Variants in ATP10A observed in about 807,000 individuals in gnomAD.
ATP10A encodes the protein phospholipid-transporting ATPase VA.
Under a neutral mutation model 147.8 loss-of-function variants are expected in ATP10A, and 111 were observed. The observed-to-expected ratio is 0.75, with a 90% CI of 0.64 to 0.88. ATP10A has a LOEUF of 0.88. Among genes scored for constraint, ATP10A ranks in the 40% least tolerant of loss-of-function variants. The pLI, the probability that ATP10A is intolerant of heterozygous loss-of-function variation, is 0.00. For missense variants in ATP10A, 1,927 were observed against 1,959.0 expected, an observed-to-expected ratio of 0.98 and a Z score of 0.31; for synonymous variants, 875 against 841.6, an observed-to-expected ratio of 1.04 and a Z score of -0.69.
intron 1 of ATP10A, among the ~76,000 whole-genome samples, chr15:25,810,096 C>A (rs1891363763): frequency 6.6e-6 from 1 of 152,108 alleles, no homozygotes; most frequent in African/African-American, 2.4e-5. Flanking sequence ...AGAACCCTTG[C>A]TGAGGGTTTC....
chr15:25,847,714 C>G (rs527289644), intron 1 of ATP10A, among the ~76,000 whole-genome samples: 48 of 135,000 alleles, frequency 3.6e-4, no homozygotes, highest in African/African-American at 1.3e-3. Flanking sequence ...TCACGTCTCA[C>G]AGCACTCTTA....
At chr15:25,756,049 C>T (rs1053925234) in intron 2 of ATP10A, among the ~76,000 whole-genome samples, 12 of 152,264 alleles carry the variant, frequency 7.9e-5, no homozygotes, top group African/African-American at 2.6e-4. Context: ...GGCCTTTACC[C>T]CTTCTTTGTT....
At position 25,858,443 on chromosome 15, in the gene ATP10A, G is replaced by A. The variant is rs60217427; in HGVS notation, c.449+4205C>T. 1.8e-3 allele frequency among the ~76,000 whole-genome samples: 272 copies of A among 152,208 alleles called. 4 individuals carry two copies. The East Asian group carries it at 0.042, about 23-fold the overall frequency. ...AGGGAAGGGAAAGAGGCACGGAGAA[G>A]GAGTAGGAGAGGGGAGACAAGAGAA... On this transcript the variant is annotated intron_variant, in intron 1 of 20. Transcript: ENST00000555815.
Position 25,679,826 on chromosome 15 carries a change from A to G in ATP10A, c.4015T>C (p.Ser1339Pro). Residue 1339 changes from serine to proline, a missense_variant, in exon 21 of 21, where the codon TCA becomes CCA. Transcript: ENST00000555815. ...GAGGTCTTGACTGTCCTCCCTGATG[A>G]GTGCTCGGTTCCCGAGTCCTTCGGG... is the stretch of plus-strand genomic sequence containing the variant. ...RLPKDSGTEH[S>P]SGRTVKTSVP... 6.2e-7 allele frequency: 1 copy of G among 1,611,986 alleles called. No homozygotes were observed. The highest frequency in any genetic ancestry group is 8.5e-7 in the Non-Finnish European group (1 of 1,179,916).
intron 1 of ATP10A, among the ~76,000 whole-genome samples, chr15:25,858,876 A>G (rs1893630621): frequency 6.6e-6 from 1 of 152,092 alleles, no homozygotes; most frequent in Non-Finnish European, 1.5e-5. Flanking sequence ...CACAAAGTAC[A>G]TAGAAGCAAA....
At chr15:25,803,707 G>A (rs1230230135) in intron 1 of ATP10A, among the ~76,000 whole-genome samples, 1 of 152,150 alleles carries the variant, frequency 6.6e-6, no homozygotes, top group Admixed American at 6.5e-5. Context: ...TGGGCACTCC[G>A]GCAGGGCCTG....
At chr15:25,699,473 G>A (rs1313948312) in intron 13 of ATP10A, among the ~76,000 whole-genome samples, 3 of 152,150 alleles carry the variant, frequency 2.0e-5, no homozygotes, top group Admixed American at 6.5e-5. Context: ...TAGATAAGAT[G>A]TTAACGTGTA....
At chr15:25,716,313 C>T (rs894568505) in intron 9 of ATP10A, among the ~76,000 whole-genome samples, 1 of 151,244 alleles carries the variant, frequency 6.6e-6, no homozygotes, top group Admixed American at 6.6e-5. Flanking sequence ...ATCTGGGACC[C>T]TGAGGCTCGG....
intron 2 of ATP10A, among the ~76,000 whole-genome samples, chr15:25,751,666 C>G (rs1323730904): frequency 1.3e-5 from 2 of 152,056 alleles, no homozygotes; most frequent in Non-Finnish European, 2.9e-5. Context: ...TTAAAAGCTC[C>G]TGCACAGCAA....
intron 17 of ATP10A, among the ~76,000 whole-genome samples, chr15:25,682,197 C>G (rs1245752180): frequency 6.6e-6 from 1 of 151,856 alleles, no homozygotes; most frequent in Non-Finnish European, 1.5e-5. Context: ...CCACTTTGAC[C>G]AGTTTTTGCC....
intron 1 of ATP10A, among the ~76,000 whole-genome samples, chr15:25,861,063 G>T (rs964318412): frequency 3.3e-5 from 5 of 152,236 alleles, no homozygotes; most frequent in African/African-American, 4.8e-5. Context: ...CAGGCTTCTG[G>T]TGAACAGGGG....
intron 9 of ATP10A, among the ~76,000 whole-genome samples, chr15:25,714,606 C>T (rs963010805): frequency 6.6e-6 from 1 of 152,060 alleles, no homozygotes; most frequent in Non-Finnish European, 1.5e-5. Context: ...TTGCCGAGGG[C>T]CCATCAGTGA....
intron 1 of ATP10A, among the ~76,000 whole-genome samples, chr15:25,784,841 G>T (rs1401287644): frequency 6.6e-6 from 1 of 151,896 alleles, no homozygotes; most frequent in African/African-American, 2.4e-5. Context: ...AGAATCGCTT[G>T]AACCCGGGAG....
chr15:25,748,859 A>C (rs1006567678), intron 2 of ATP10A, among the ~76,000 whole-genome samples: 1 of 151,782 alleles, frequency 6.6e-6, no homozygotes, highest in African/African-American at 2.4e-5. Flanking sequence ...GTTCAAGAAC[A>C]GCCTGGCCAA....
chr15:25,802,582 C>T (rs1445937354), intron 1 of ATP10A, among the ~76,000 whole-genome samples: 1 of 152,222 alleles, frequency 6.6e-6, no homozygotes, highest in East Asian at 1.9e-4. Context: ...CAGGGCCACG[C>T]TCCTTCCTGG....
At chr15:25,675,715 G>T (rs931736734), downstream of ATP10A, among the ~76,000 whole-genome samples, 1 of 152,200 alleles carries the variant, frequency 6.6e-6, no homozygotes, top group African/African-American at 2.4e-5. Context: ...GGACGCTAAG[G>T]CAGGCAGATT....
Position 25,679,673 on chromosome 15 carries a change from C to T in ATP10A, c.4168G>A (p.Ala1390Thr), listed in dbSNP as rs146208818. 8 of 1,613,060 alleles carry T rather than the reference C, an allele frequency of 5.0e-6. No homozygotes were observed. Among genetic ancestry groups the T allele is most frequent in the Admixed American group, 1.7e-5 (1 of 60,000 alleles). The change falls in exon 21 of 21, where the codon GCA becomes ACA. Residue 1390 changes from alanine to threonine, a missense_variant. Transcript: ENST00000555815. ...REHTLLEGLS[A>T]PAPMSSAPGE... is the part of the protein sequence containing the mutation. Reference sequence around the variant, plus strand: ...GGCGCAGAGGACATGGGGGCCGGTGCGCTCAGCCCCTCCAGCAGGGTGTGC... The same window carrying T: ...GGCGCAGAGGACATGGGGGCCGGTGTGCTCAGCCCCTCCAGCAGGGTGTGC...
In ATP10A at chr15:25,719,467, C is replaced by A. The variant is rs200628749; in HGVS notation, c.1364-1068G>T. Among the ~76,000 whole-genome samples, 11 of 152,254 alleles carry A rather than the reference C, an allele frequency of 7.2e-5. No homozygotes were observed. In the East Asian group the frequency reaches 7.8e-4, roughly 11 times the overall value. On this transcript the variant is annotated intron_variant, in intron 7 of 20. Transcript: ENST00000555815. The stretch of plus-strand genomic sequence containing the variant: ...CTCGGGTGGCATCAGCCCAGTGCAC[C>A]GGAAGCAAGGACGCACAGAACCTGG...
At chr15:25,838,640 G>A (rs184207279) in intron 1 of ATP10A, among the ~76,000 whole-genome samples, 1 of 152,170 alleles carries the variant, frequency 6.6e-6, no homozygotes, top group Non-Finnish European at 1.5e-5. Context: ...ATGAAGTTTT[G>A]ATTTTCTGCA....
Sources: gnomAD v4.1 joint callset for allele counts (sites outside exome capture counted in the v4.1 genomes callset) on GRCh38, gnomAD v4.1.1 for gene constraint, MANE v1.5 for transcripts, NCBI Gene and HGNC (gene_info 2026-07-23, HGNC 2026-07-21) for gene names.